CDCA7L: variants seen among roughly 807,000 people sequenced by gnomAD.
CDCA7L encodes the protein cell division cycle associated 7 like.
Under a neutral mutation model 57.4 loss-of-function variants are expected in CDCA7L, and 44 were observed. The ratio of observed to expected loss-of-function variants is 0.77; its 90% CI spans 0.60 to 0.98. The LOEUF is 0.98. Ranked by LOEUF, CDCA7L falls within the 50% of genes least tolerant of loss-of-function variation. The pLI is 0.00. For missense variants in CDCA7L, 644 were observed against 580.6 expected, an observed-to-expected ratio of 1.11 and a Z score of -1.12; for synonymous variants, 236 against 202.8, an observed-to-expected ratio of 1.16 and a Z score of -1.39.
At position 21,902,201 on chromosome 7, in the gene CDCA7L, T is replaced by TTTCTACAAAGAATTTCTGTATAAAAACA; in HGVS notation, c.*93_*120dup. 1 of 974,388 alleles carries TTTCTACAAAGAATTTCTGTATAAAAACA rather than the reference T, an allele frequency of 1.0e-6. No homozygotes were observed. Among genetic ancestry groups the TTTCTACAAAGAATTTCTGTATAAAAACA allele is most frequent in the Non-Finnish European group, 1.6e-6 (1 of 613,970 alleles). 60.4% of individuals were successfully genotyped at this position (974,388 alleles called of 1,614,324 possible). A position where few individuals can be genotyped will look rare whatever the true frequency, so the allele number is the denominator to read the frequency against. ...AACAATCTTTAACAAAAAATAGTAATTTCTACAAAGAATTTCTGTATAAAA... is the reference window on the plus strand; with the variant it reads ...AACAATCTTTAACAAAAAATAGTAATTTCTACAAAGAATTTCTGTATAAAAACATTCTACAAAGAATTTCTGTATAAAA... On this transcript the variant is annotated 3_prime_UTR_variant, in exon 10 of 10. Transcript: ENST00000406877.
chr7:21,933,827 C>T (rs78288902), intron 1 of CDCA7L, among the ~76,000 whole-genome samples: 1,808 of 151,848 alleles, frequency 0.012, 14 homozygotes, highest in Non-Finnish European at 0.016. Flanking sequence ...GATTATCAGC[C>T]GTTTTATCAC....
chr7:21,919,915 A>G (rs1785600775), intron 1 of CDCA7L, among the ~76,000 whole-genome samples: 2 of 152,174 alleles, frequency 1.3e-5, no homozygotes, highest in Non-Finnish European at 2.9e-5. Flanking sequence ...ATCATTGTAC[A>G]TGGTTATGCA....
chr7:21,902,300 G>A lies in CDCA7L; in HGVS notation c.*22C>T, dbSNP rs1784930091. 6.2e-7 allele frequency: 1 copy of A among 1,610,770 alleles called. No individual in the cohort carries two copies. Among genetic ancestry groups the A allele is most frequent in the Admixed American group, 1.7e-5 (1 of 59,956 alleles). ...TGTTGGAGTACTCTATGGTGAGGTG[G>A]CTGGTTCTGTTTGTTTTCCTCTTAA... On this transcript the variant is annotated 3_prime_UTR_variant, in exon 10 of 10. Transcript: ENST00000406877.
intron 1 of CDCA7L, among the ~76,000 whole-genome samples, chr7:21,920,127 T>C (rs1450142263): frequency 6.6e-6 from 1 of 152,212 alleles, no homozygotes; most frequent in Non-Finnish European, 1.5e-5. Flanking sequence ...ATGCTAAAGA[T>C]CAGCAGTTTT....
chr7:21,931,698 T>C (rs989365875), intron 1 of CDCA7L, among the ~76,000 whole-genome samples: 2 of 152,290 alleles, frequency 1.3e-5, no homozygotes, highest in Admixed American at 1.3e-4. Context: ...GCTGGAAGCA[T>C]TCCCTTTGAA....
At chr7:21,902,823 C>G (rs1168782836) in intron 9 of CDCA7L, 155 bp downstream of exon 9, 5 of 667,688 alleles carry the variant, frequency 7.5e-6, no homozygotes, top group Non-Finnish European at 1.2e-5. Context: ...CAGGCCTGAG[C>G]TTTTCCAATG....
At chr7:21,931,658 C>T (rs1786021739) in intron 1 of CDCA7L, among the ~76,000 whole-genome samples, 1 of 152,142 alleles carries the variant, frequency 6.6e-6, no homozygotes, top group Non-Finnish European at 1.5e-5. Context: ...ATGACAAACC[C>T]ACAGCCAATA....
intron 1 of CDCA7L, chr7:21,944,581 G>A (rs762094132): frequency 2.0e-5 from 3 of 151,962 alleles, no homozygotes; most frequent in Non-Finnish European, 2.9e-5. Flanking sequence ...CTCACAGGAG[G>A]CATTTTAAAA....
intron 3 of CDCA7L, 53 bp downstream of exon 3, chr7:21,911,564 G>A: frequency 1.9e-6 from 3 of 1,545,864 alleles, no homozygotes; most frequent in South Asian, 1.2e-5. Context: ...AACTCTTTCA[G>A]AAACAGGATT....
chr7:21,902,326 T>C lies in CDCA7L; in HGVS notation c.1361A>G (p.Asn454Ser), dbSNP rs148258753. Residue 454 changes from asparagine to serine, a missense_variant, in exon 10 of 10, where the codon AAT becomes AGT. Transcript: ENST00000406877. Reference protein sequence around the residue: ...ESLQKELVEDN With the variant: ...ESLQKELVEDS ...CTGGTTCTGTTTGTTTTCCTCTTAA[T>C]TGTCTTCTACCAGCTCCTTTTGTAA... The C allele has an allele frequency of 3.0e-5, 48 of 1,613,786 alleles. No individual in the cohort carries two copies. The highest frequency in any genetic ancestry group is 3.3e-5 in the Non-Finnish European group (39 of 1,179,808).
At chr7:21,910,383 G>A (rs541937678) in intron 3 of CDCA7L, among the ~76,000 whole-genome samples, 10 of 152,248 alleles carry the variant, frequency 6.6e-5, no homozygotes, top group African/African-American at 2.4e-4. Context: ...GCTACTCATA[G>A]CAAAAAATCA....
chr7:21,919,229 T>TC (rs1410792928), intron 1 of CDCA7L, among the ~76,000 whole-genome samples: 1 of 152,180 alleles, frequency 6.6e-6, no homozygotes, highest in African/African-American at 2.4e-5. Context: ...CTCCCCCTTT[T>TC]CTTCTACCAT....
chr7:21,934,391 T>C (rs1323613515), intron 1 of CDCA7L, among the ~76,000 whole-genome samples: 1 of 151,974 alleles, frequency 6.6e-6, no homozygotes, highest in Non-Finnish European at 1.5e-5. Flanking sequence ...GTAATCTCCA[T>C]GGTAACACAA....
intron 1 of CDCA7L, among the ~76,000 whole-genome samples, chr7:21,917,881 G>A (rs922074593): frequency 1.6e-4 from 13 of 81,342 alleles, no homozygotes; most frequent in South Asian, 4.3e-4. Flanking sequence ...TAATTGTACC[G>A]AAAATAATTA....
intron 1 of CDCA7L, among the ~76,000 whole-genome samples, chr7:21,917,529 G>A (rs1238497967): frequency 1.3e-5 from 2 of 152,172 alleles, no homozygotes; most frequent in Non-Finnish European, 1.5e-5. Context: ...ATTTTTGTAA[G>A]TTGACTATTT....
intron 6 of CDCA7L, 75 bp from the exon 7 acceptor site, chr7:21,905,706 C>T: frequency 6.7e-7 from 1 of 1,481,670 alleles, no homozygotes; most frequent in Non-Finnish European, 9.1e-7. Flanking sequence ...TTTAAACTCT[C>T]AAAGATCTAG....
chr7:21,905,779 C>G (rs970744523), intron 6 of CDCA7L, 148 bp from the exon 7 acceptor site: 3 of 874,380 alleles, frequency 3.4e-6, no homozygotes, highest in Non-Finnish European at 4.9e-6. Flanking sequence ...TAGTTATTTA[C>G]TGAGCTCCTG....
intron 3 of CDCA7L, 131 bp downstream of exon 3, chr7:21,911,486 G>A: frequency 8.7e-7 from 1 of 1,143,522 alleles, no homozygotes; most frequent in Non-Finnish European, 1.2e-6. Flanking sequence ...TTTAGGTTAT[G>A]TTAATTGCTT....
Position 21,904,200 on chromosome 7 carries a change from G to GTTC in CDCA7L, c.1104_1106dup (p.Arg368_Asn369insLys). ...GTCCTCGCACACCACAGCAACCCTGGTTCCGACACACTGTCTTGGTGTCGA... is the reference window on the plus strand; with the variant it reads ...GTCCTCGCACACCACAGCAACCCTGGTTCTTCCGACACACTGTCTTGGTGTCGA... On this transcript the variant is annotated inframe_insertion, in exon 8 of 10. Transcript: ENST00000406877. The GTTC allele has an allele frequency of 6.2e-7, 1 of 1,613,766 alleles. No homozygotes were observed. The highest frequency in any genetic ancestry group is 1.7e-5 in the Admixed American group (1 of 59,968).
Sources: gnomAD v4.1 joint callset for allele counts (sites outside exome capture counted in the v4.1 genomes callset) on GRCh38, gnomAD v4.1.1 for gene constraint, MANE v1.5 for transcripts, NCBI Gene and HGNC (gene_info 2026-07-23, HGNC 2026-07-21) for gene names.